TMX2: variants seen among roughly 807,000 people sequenced by gnomAD.
TMX2 encodes thioredoxin related transmembrane protein 2.
TMX2 carries 20 observed loss-of-function variants against 33.4 expected under a neutral mutation model. That is an observed-to-expected ratio of 0.60 (90% CI 0.42 to 0.87). TMX2 has a LOEUF of 0.87. Among genes scored for constraint, TMX2 ranks in the 40% least tolerant of loss-of-function variants. The pLI is 0.00. For missense variants in TMX2, 340 were observed against 370.7 expected, an observed-to-expected ratio of 0.92 and a Z score of 0.68; for synonymous variants, 166 against 140.7, an observed-to-expected ratio of 1.18 and a Z score of -1.27.
intron 1 of TMX2, among the ~76,000 whole-genome samples, chr11:57,729,678 A>G (rs1565225576): frequency 6.6e-6 from 1 of 152,098 alleles, no homozygotes; most frequent in African/African-American, 2.4e-5. Flanking sequence ...AAAAAACGGA[A>G]CAAAAAGGAG....
chr11:57,718,946 C>T (rs1041271806), intron 1 of TMX2, among the ~76,000 whole-genome samples: 4 of 149,784 alleles, frequency 2.7e-5, no homozygotes, highest in African/African-American at 7.4e-5. Flanking sequence ...TGAGCCACCG[C>T]GCCCAGCCAC....
chr11:57,716,910 G>C (rs1331507916), intron 1 of TMX2, among the ~76,000 whole-genome samples: 1 of 151,524 alleles, frequency 6.6e-6, no homozygotes, highest in African/African-American at 2.4e-5. Context: ...CCCAGACGGG[G>C]TTGGTGCCGG....
chr11:57,726,815 G>A (rs892598563), intron 1 of TMX2, among the ~76,000 whole-genome samples: 3 of 152,220 alleles, frequency 2.0e-5, no homozygotes, highest in South Asian at 2.1e-4. Context: ...ATAAATTGGC[G>A]GAAAGAGAGA....
chr11:57,718,612 A>T (rs1947334270), intron 1 of TMX2: 3 of 429,602 alleles, frequency 7.0e-6, no homozygotes, highest in African/African-American at 4.2e-5. Context: ...TATCTATATC[A>T]TTGTTTTCCT....
At position 57,721,349 on chromosome 11, in the gene TMX2, T is replaced by G. The variant is rs969033661; in HGVS notation, c.189+8542T>G. Among the ~76,000 whole-genome samples the G allele has an allele frequency of 1.0e-4, 15 of 148,042 alleles. No individual in the cohort carries two copies. The South Asian group carries it at 1.5e-3, about 15-fold the overall frequency. The stretch of plus-strand genomic sequence containing the variant: ...TTATTTAAATAAATAAATAAAGTTT[T>G]TTTTTTTTTTTTTTTTGAGATGGAG... On this transcript the variant is annotated intron_variant, in intron 1 of 7. Transcript: ENST00000278422.
rs933104361 is a variant in TMX2, at chr11:57,740,703, C to G, written c.*458C>G. ...CTCTTGCTTCCTTAAGCCCTTCTGG[C>G]TTCGTTTATGGTCTTCATTAAAAGT... On this transcript the variant is annotated 3_prime_UTR_variant, in exon 8 of 8. Transcript: ENST00000278422. 1 of 156,514 alleles carries G rather than the reference C, an allele frequency of 6.4e-6. No individual in the cohort carries two copies. Among genetic ancestry groups the G allele is most frequent in the South Asian group, 1.9e-4 (1 of 5,284 alleles). The allele number at this position is 156,514 out of a possible 1,614,324, so 9.7% of individuals were successfully genotyped here.
At chr11:57,719,030 TATA>T (rs148134883) in intron 1 of TMX2, among the ~76,000 whole-genome samples, 21,362 of 108,792 alleles carry the variant, frequency 0.2, 2,480 homozygotes, top group Non-Finnish European at 0.26. Context: ...CATATATATA[TATA>T]TTTTTTTTTT....
At chr11:57,713,063 C>T (rs1378357217) in intron 1 of TMX2, among the ~76,000 whole-genome samples, 3 of 152,246 alleles carry the variant, frequency 2.0e-5, no homozygotes. Flanking sequence ...AGGTTTCTTT[C>T]TGTTTCACCA....
chr11:57,724,417 A>T (rs1425671961), intron 1 of TMX2, among the ~76,000 whole-genome samples: 1 of 152,108 alleles, frequency 6.6e-6, no homozygotes. Context: ...CCTCCCACCA[A>T]ATATGTCTAT....
At chr11:57,728,351 A>C (rs183202466) in intron 1 of TMX2, among the ~76,000 whole-genome samples, 1 of 152,102 alleles carries the variant, frequency 6.6e-6, no homozygotes, top group African/African-American at 2.4e-5. Flanking sequence ...TTTAGTAGAG[A>C]TGGGGTTTCA....
At position 57,738,985 on chromosome 11, in the gene TMX2, C is replaced by T; in HGVS notation, c.560C>T (p.Thr187Ile). The stretch of plus-strand genomic sequence containing the variant: ...TATATTCTTTTCAGATACAACTGTA[C>T]AGGGCTAAATTTTGGGAAGGTGGAT... ...YADLSLKYNC[T>I]GLNFGKVDVG... is the part of the protein sequence containing the mutation. Residue 187 changes from threonine (T) to isoleucine (I), a missense_variant, in exon 6 of 8, where the codon ACA becomes ATA. Physicochemically the swap from Thr to Ile is moderately conservative, Grantham distance 89. Transcript: ENST00000278422. The T allele has an allele frequency of 1.2e-6, 2 of 1,613,880 alleles. No individual in the cohort carries two copies. The highest frequency in any genetic ancestry group is 1.7e-6 in the Non-Finnish European group (2 of 1,179,948).
chr11:57,717,778 G>A (rs1001808708), intron 1 of TMX2, among the ~76,000 whole-genome samples: 1 of 146,474 alleles, frequency 6.8e-6, no homozygotes, highest in Non-Finnish European at 1.5e-5. Flanking sequence ...AGAGGCAGAG[G>A]CCAGAATTTG....
intron 1 of TMX2, among the ~76,000 whole-genome samples, chr11:57,717,112 G>A (rs1407717199): frequency 6.7e-6 from 1 of 149,056 alleles, no homozygotes; most frequent in South Asian, 2.1e-4. Context: ...ATGGGCGGCC[G>A]GGCAGAGACG....
chr11:57,739,153 C>G lies in TMX2; in HGVS notation c.637C>G (p.Leu213Val), dbSNP rs1948930546. 1 of 1,614,152 alleles carries G rather than the reference C, an allele frequency of 6.2e-7. No homozygotes were observed. The highest frequency in any genetic ancestry group is 8.5e-7 in the Non-Finnish European group (1 of 1,180,034). Residue 213 changes from leucine (L) to valine (V), a missense_variant, in exon 7 of 8, where the codon CTC (leucine) becomes GTC (valine). Physicochemically the swap from Leu to Val is conservative, Grantham distance 32. Around this residue, in one of 3 missense-constraint regions of TMX2, gnomAD observed 209 missense variants for 241.6 expected, o/e 0.87. Transcript: ENST00000278422. ...STRYKVSTSP[L>V]TKQLPTLILF... ...CAGGTACAAAGTGAGCACATCACCC[C>G]TCACCAAGCAACTCCCTACCCTGAT...
chr11:57,740,142 G>T lies in TMX2; in HGVS notation c.788G>T (p.Arg263Leu), dbSNP rs745615456. Reference protein sequence around the residue: ...REFNLNELYQRAKKLSKAGDN... With the variant: ...REFNLNELYQLAKKLSKAGDN... ...TTTAACTTAAATGAGCTATACCAGC[G>T]GGCCAAGAAACTATCAAAGGCTGGA... Residue 263 changes from arginine to leucine, a missense_variant, in exon 8 of 8, where the codon CGG (arginine) becomes CTG (leucine). Transcript: ENST00000278422. 94 of 1,613,762 alleles carry T rather than the reference G, an allele frequency of 5.8e-5. No homozygotes were observed. The highest frequency in any genetic ancestry group is 4.9e-4 in the Middle Eastern group (3 of 6,080).
chr11:57,716,445 ACCCCCCCACCTCCCTCCCGGACG>A (rs1947051801), intron 1 of TMX2, among the ~76,000 whole-genome samples: 1 of 104,792 alleles, frequency 9.5e-6, no homozygotes, highest in African/African-American at 3.6e-5. Flanking sequence ...CGGGGGGCTG[ACCCCCCCACCTCCCTCCCGGACG>A]GGGCGGCTGG....
chr11:57,733,946 G>A (rs1008068678), intron 1 of TMX2, among the ~76,000 whole-genome samples: 2 of 151,976 alleles, frequency 1.3e-5, no homozygotes, highest in East Asian at 3.9e-4. Flanking sequence ...TGAAGCGGGC[G>A]GATCACAAGG....
intron 1 of TMX2, among the ~76,000 whole-genome samples, chr11:57,726,795 A>C (rs1209368870): frequency 6.6e-6 from 1 of 152,214 alleles, no homozygotes; most frequent in Non-Finnish European, 1.5e-5. Context: ...AGGATGCTAT[A>C]CCTATGGAGA....
rs555963684 is a variant in TMX2, at chr11:57,736,064, G to A, written c.190-1544G>A. Reference sequence around the variant, plus strand: ...AGTGAAGGAGGGGGTATAAAGAGATGTGTCTGACCTCACACCCTGTTATGG... The same window carrying A: ...AGTGAAGGAGGGGGTATAAAGAGATATGTCTGACCTCACACCCTGTTATGG... On this transcript the variant is annotated intron_variant, in intron 1 of 7. Coordinates refer to ENST00000278422, the MANE Select transcript of TMX2 (RefSeq NM_015959.4). 3.2e-4 allele frequency among the ~76,000 whole-genome samples: 48 copies of A among 152,246 alleles called. No homozygotes were observed. In the South Asian group the frequency reaches 9.5e-3, roughly 30 times the overall value.
Sources: gnomAD v4.1 joint callset for allele counts (sites outside exome capture counted in the v4.1 genomes callset) on GRCh38, gnomAD v4.1.1 for gene constraint, gnomAD v4.1.1 regional missense constraint, MANE v1.5 for transcripts, NCBI Gene and HGNC (gene_info 2026-07-23, HGNC 2026-07-21) for gene names.